The following RBMS3 variants were observed in gnomAD, a reference collection of about 807,000 sequenced individuals.
The protein encoded by RBMS3 is RNA-binding motif, single-stranded-interacting protein 3.
RBMS3 carries 27 observed loss-of-function variants against 66.8 expected under a neutral mutation model. That is an observed-to-expected ratio of 0.40 (90% CI 0.30 to 0.56). The LOEUF is 0.56. Ranked by LOEUF, RBMS3 falls within the 20% of genes least tolerant of loss-of-function variation. The probability of loss-of-function intolerance (pLI) is 0.40; values close to 1 mark genes in which losing one functional copy is unlikely to be tolerated. For synonymous variants in RBMS3, 188 were observed against 183.0 expected (o/e 1.03, Z -0.22); for missense variants, 513 against 549.5 (o/e 0.93, Z 0.66).
intron 3 of RBMS3, among the ~76,000 whole-genome samples, chr3:29,528,407 C>T (rs138650143): frequency 1.3e-5 from 2 of 151,950 alleles, no homozygotes; most frequent in South Asian, 2.1e-4. Context: ...GCCACTATGC[C>T]TGGCCCACAA....
intron 1 of RBMS3, among the ~76,000 whole-genome samples, chr3:29,317,392 C>T (rs540845308): frequency 2.0e-5 from 3 of 151,634 alleles, no homozygotes; most frequent in South Asian, 2.1e-4. Flanking sequence ...CTCTGGTTTT[C>T]GGTGTTGCTT....
At chr3:29,379,546 G>A (rs762586234) in intron 1 of RBMS3, among the ~76,000 whole-genome samples, 8 of 152,162 alleles carry the variant, frequency 5.3e-5, no homozygotes, top group Non-Finnish European at 1.0e-4. Flanking sequence ...CATGGCGGCA[G>A]TGCAGGGAAA....
chr3:29,421,050 T>G (rs2040706279), intron 1 of RBMS3, among the ~76,000 whole-genome samples: 1 of 151,664 alleles, frequency 6.6e-6, no homozygotes, highest in Non-Finnish European at 1.5e-5. Context: ...AAGGCGGAGC[T>G]TGCAGTGAGC....
At chr3:29,771,061 A>T (rs1559653492) in intron 6 of RBMS3, among the ~76,000 whole-genome samples, 1 of 152,044 alleles carries the variant, frequency 6.6e-6, no homozygotes, top group Non-Finnish European at 1.5e-5. Context: ...GCAAAACATA[A>T]GAAAATATTT....
intron 4 of RBMS3, among the ~76,000 whole-genome samples, chr3:29,611,332 T>C (rs561716513): frequency 2.6e-5 from 4 of 152,118 alleles, no homozygotes; most frequent in South Asian, 4.1e-4. Flanking sequence ...GTAAAACACG[T>C]TGGTGCCTGA....
rs1273919727 is a variant in RBMS3 at position 29,281,080 on chromosome 3, T to A, written c.-602T>A. ...ACAAGCCCCGAACACCATGTCACTC[T>A]GGGAGGGAGACAGCAGCAACTAAGC... is the stretch of plus-strand genomic sequence containing the variant. On this transcript the variant is annotated 5_prime_UTR_variant, in exon 1 of 15. Coordinates refer to ENST00000383767, the MANE Select transcript of RBMS3 (RefSeq NM_001003793.3). The A allele has an allele frequency of 1.4e-5, 2 of 144,138 alleles. No individual in the cohort carries two copies. Among genetic ancestry groups the A allele is most frequent in the African/African-American group, 5.1e-5 (2 of 39,098 alleles). 8.9% of individuals were successfully genotyped at this position (144,138 alleles called of 1,614,324 possible). A position where few individuals can be genotyped will look rare whatever the true frequency, so the allele number is the denominator to read the frequency against.
At chr3:29,676,997 C>T (rs894585684) in intron 4 of RBMS3, among the ~76,000 whole-genome samples, 16 of 152,204 alleles carry the variant, frequency 1.1e-4, no homozygotes, top group African/African-American at 3.9e-4. Flanking sequence ...TCTGGGGAGG[C>T]CTCAGGGAGC....
At chr3:29,993,919 G>T (rs1337031703) in intron 14 of RBMS3, among the ~76,000 whole-genome samples, 1 of 152,198 alleles carries the variant, frequency 6.6e-6, no homozygotes, top group African/African-American at 2.4e-5. Context: ...TCTGTATCGG[G>T]GGGAGGAACC....
intron 6 of RBMS3, among the ~76,000 whole-genome samples, chr3:29,820,406 ATCAAATCC>A (rs1228603010): frequency 6.6e-6 from 1 of 151,878 alleles, no homozygotes; most frequent in Non-Finnish European, 1.5e-5. Flanking sequence ...TATTAATTAG[ATCAAATCC>A]TCTATTAGAG....
intron 6 of RBMS3, among the ~76,000 whole-genome samples, chr3:29,820,405 G>C (rs1010292630): frequency 2.6e-5 from 4 of 151,596 alleles, no homozygotes; most frequent in African/African-American, 9.7e-5. Context: ...CTATTAATTA[G>C]ATCAAATCCT....
intron 3 of RBMS3, among the ~76,000 whole-genome samples, chr3:29,550,535 C>T (rs563470394): frequency 4.6e-5 from 7 of 151,626 alleles, no homozygotes; most frequent in East Asian, 1.9e-4. Context: ...AATAATTCAG[C>T]GTATAGTGTA....
At chr3:29,677,238 A>G (rs984669318) in intron 4 of RBMS3, among the ~76,000 whole-genome samples, 1 of 152,146 alleles carries the variant, frequency 6.6e-6, no homozygotes, top group African/African-American at 2.4e-5. Context: ...TCAACATGAG[A>G]TTTGGGTGAG....
chr3:29,707,716 T>C (rs2052970661), intron 4 of RBMS3, among the ~76,000 whole-genome samples: 1 of 152,180 alleles, frequency 6.6e-6, no homozygotes, highest in African/African-American at 2.4e-5. Context: ...TATTTTATGG[T>C]CCCCTGCCAT....
At chr3:29,614,425 T>A (rs1363282026) in intron 4 of RBMS3, 2 of 152,150 alleles carry the variant, frequency 1.3e-5, no homozygotes, top group Non-Finnish European at 2.9e-5. Flanking sequence ...TAATAACAAT[T>A]TATTATATAC....
intron 2 of RBMS3, among the ~76,000 whole-genome samples, chr3:29,468,700 T>C (rs889746070): frequency 6.6e-6 from 1 of 152,150 alleles, no homozygotes; most frequent in Non-Finnish European, 1.5e-5. Context: ...CACATAAAAT[T>C]GGCTTCCTTT....
intron 12 of RBMS3, among the ~76,000 whole-genome samples, chr3:29,948,917 A>T (rs1695496859): frequency 6.6e-6 from 1 of 151,770 alleles, no homozygotes; most frequent in Non-Finnish European, 1.5e-5. Context: ...AAAAGGTTAT[A>T]AAGAAATGTC....
intron 6 of RBMS3, among the ~76,000 whole-genome samples, chr3:29,775,158 G>A (rs1337835501): frequency 6.6e-6 from 1 of 151,694 alleles, no homozygotes; most frequent in East Asian, 1.9e-4. Context: ...GTCTTATTTT[G>A]AGAACCTACG....
At chr3:29,526,592 A>G (rs974603093) in intron 3 of RBMS3, among the ~76,000 whole-genome samples, 3 of 136,312 alleles carry the variant, frequency 2.2e-5, no homozygotes, top group African/African-American at 7.9e-5. Flanking sequence ...GATCTGGCCC[A>G]CATCTGGTCT....
At chr3:29,646,748 A>G (rs375456358) in intron 4 of RBMS3, among the ~76,000 whole-genome samples, 1 of 144,096 alleles carries the variant, frequency 6.9e-6, no homozygotes, top group African/African-American at 2.6e-5. Context: ...TATTCCTGCG[A>G]TTCTGTCTTG....
Sources: allele counts gnomAD v4.1 joint callset (sites outside exome capture counted in the v4.1 genomes callset), GRCh38; gene constraint gnomAD v4.1.1; transcripts MANE v1.5; gene names NCBI Gene and HGNC (gene_info 2026-07-23, HGNC 2026-07-21).